The following GSK3B variants were observed in gnomAD, a reference collection of about 807,000 sequenced individuals.
GSK3B encodes the protein glycogen synthase kinase-3 beta.
A neutral mutation model predicts 56.4 loss-of-function variants in GSK3B; 15 were observed. The ratio of observed to expected loss-of-function variants is 0.27; its 90% CI spans 0.18 to 0.41. The LOEUF is 0.41. Ranked by LOEUF, GSK3B falls within the 10% of genes least tolerant of loss-of-function variation. The probability of loss-of-function intolerance (pLI) is 1.00; values close to 1 mark genes in which losing one functional copy is unlikely to be tolerated. For synonymous variants in GSK3B, 181 were observed against 188.9 expected (o/e 0.96, Z 0.34); for missense variants, 300 against 513.4 (o/e 0.58, Z 4.02).
rs573344207 is a variant in GSK3B, at chr3:120,057,268, T to A, written c.88+36079A>T. On this transcript the variant is annotated intron_variant, in intron 1 of 10. Transcript: ENST00000264235. ...TATAATATCTCATTTAATAAGAATT[T>A]AGAAAAACAGGTCGCCAGATAAATT... Among the ~76,000 whole-genome samples, 5 of 152,310 alleles carry A rather than the reference T, an allele frequency of 3.3e-5. No individual in the cohort carries two copies. In the East Asian group the frequency reaches 9.6e-4, roughly 29 times the overall value.
chr3:119,904,482 A>G (rs2056662249), intron 7 of GSK3B, among the ~76,000 whole-genome samples: 1 of 152,202 alleles, frequency 6.6e-6, no homozygotes, highest in Non-Finnish European at 1.5e-5. Flanking sequence ...TATGGATAAT[A>G]AAGAAGATCG....
intron 2 of GSK3B, among the ~76,000 whole-genome samples, chr3:119,953,453 A>G (rs555294247): frequency 6.0e-5 from 9 of 150,442 alleles, no homozygotes; most frequent in Non-Finnish European, 1.2e-4. Flanking sequence ...TTAGATTCAA[A>G]GACACAAACA....
chr3:119,972,868 CA>C (rs1290983968), intron 2 of GSK3B, among the ~76,000 whole-genome samples: 2 of 152,018 alleles, frequency 1.3e-5, no homozygotes, highest in African/African-American at 4.8e-5. Flanking sequence ...AAAACAATAA[CA>C]AAAAACAGTT....
At chr3:120,031,350 C>A (rs1038057008) in intron 1 of GSK3B, among the ~76,000 whole-genome samples, 2 of 152,082 alleles carry the variant, frequency 1.3e-5, no homozygotes, top group African/African-American at 4.8e-5. Context: ...AATTAGCCCG[C>A]CAAAATCCCT....
intron 4 of GSK3B, among the ~76,000 whole-genome samples, chr3:119,921,739 A>T (rs1287622785): frequency 1.3e-5 from 2 of 152,220 alleles, no homozygotes; most frequent in Non-Finnish European, 2.9e-5. Context: ...ATATAAACTT[A>T]AAAAAATTAT....
chr3:120,089,219 GT>G (rs1320015698), intron 1 of GSK3B, among the ~76,000 whole-genome samples: 2 of 152,190 alleles, frequency 1.3e-5, no homozygotes, highest in Non-Finnish European at 2.9e-5. Context: ...TTCCCTTGAA[GT>G]TTTTCCTTTT....
chr3:119,955,149 T>C (rs763829582), intron 2 of GSK3B, among the ~76,000 whole-genome samples: 2 of 151,800 alleles, frequency 1.3e-5, no homozygotes, highest in Non-Finnish European at 2.9e-5. Flanking sequence ...CCATCCTTAG[T>C]CATCATAAGA....
At position 119,869,244 on chromosome 3, in the gene GSK3B, A is replaced by AAAAAC. The variant is rs1559816083; in HGVS notation, c.910-5640_910-5639insGTTTT. ...ATCTCAAAAAAAAAAAAAAAAAAAA[A>AAAAAC]AACATATATTCTTTGGCAGTCTTTC... On this transcript the variant is annotated intron_variant, in intron 8 of 10. Transcript: ENST00000264235. Among the ~76,000 whole-genome samples the AAAAAC allele has an allele frequency of 5.3e-5, 8 of 151,260 alleles. No individual in the cohort carries two copies. The South Asian group carries it at 1.5e-3, about 28-fold the overall frequency.
intron 7 of GSK3B, among the ~76,000 whole-genome samples, chr3:119,880,111 C>A (rs2056363636): frequency 6.6e-6 from 1 of 152,152 alleles, no homozygotes; most frequent in African/African-American, 2.4e-5. Flanking sequence ...TCTGTTTTCT[C>A]CACATCCTTG....
chr3:119,978,317 C>G (rs1170100988), intron 2 of GSK3B, among the ~76,000 whole-genome samples: 1 of 152,170 alleles, frequency 6.6e-6, no homozygotes, highest in Non-Finnish European at 1.5e-5. Flanking sequence ...CCATAAAATT[C>G]TCCACACACA....
chr3:119,890,386 A>G (rs2056488341), intron 7 of GSK3B, among the ~76,000 whole-genome samples: 1 of 152,154 alleles, frequency 6.6e-6, no homozygotes, highest in Admixed American at 6.5e-5. Context: ...CCAGATACAA[A>G]AGAAATATAT....
At chr3:119,882,969 T>C (rs917214068) in intron 7 of GSK3B, among the ~76,000 whole-genome samples, 1 of 152,192 alleles carries the variant, frequency 6.6e-6, no homozygotes, top group Admixed American at 6.5e-5. Context: ...AATAGAATTG[T>C]TGGTGTATTC....
chr3:119,976,619 A>T (rs2057410356), intron 2 of GSK3B, among the ~76,000 whole-genome samples: 2 of 152,146 alleles, frequency 1.3e-5, no homozygotes, highest in Admixed American at 1.3e-4. Context: ...ATATTCTGGA[A>T]TTAGATAGTA....
intron 2 of GSK3B, among the ~76,000 whole-genome samples, chr3:119,963,625 C>CAAAAAAAAAAAAAAAAAAAAAAA (rs774359104): frequency 1.1e-4 from 9 of 79,088 alleles, no homozygotes; most frequent in African/African-American, 1.7e-4. Flanking sequence ...TTCTTCCCCA[C>CAAAAAAAAAAAAAAAAAAAAAAA]AAAAAAAAAA....
intron 3 of GSK3B, among the ~76,000 whole-genome samples, chr3:119,939,086 TG>T (rs906904994): frequency 6.7e-6 from 1 of 149,910 alleles, no homozygotes; most frequent in Non-Finnish European, 1.5e-5. Flanking sequence ...AAAGGGGGGC[TG>T]GGGGGAGAGA....
chr3:119,920,728 G>C (rs2056832030), intron 4 of GSK3B, among the ~76,000 whole-genome samples: 1 of 152,070 alleles, frequency 6.6e-6, no homozygotes, highest in Non-Finnish European at 1.5e-5. Context: ...CTATCATTGA[G>C]AAATGAAATT....
chr3:120,026,776 T>A (rs976802108), intron 1 of GSK3B, among the ~76,000 whole-genome samples: 36 of 151,834 alleles, frequency 2.4e-4, no homozygotes, highest in African/African-American at 8.7e-4. Flanking sequence ...CACACTGGTC[T>A]TGAACTCCTG....
At chr3:119,960,151 CAAAAAAAAAAAAA>C (rs574956694) in intron 2 of GSK3B, among the ~76,000 whole-genome samples, 1 of 74,642 alleles carries the variant, frequency 1.3e-5, no homozygotes. Context: ...TATGCTGAGA[CAAAAAAAAAAAAA>C]AAAAAAAAAA....
chr3:120,043,085 C>T (rs573694173), intron 1 of GSK3B, among the ~76,000 whole-genome samples: 1 of 152,242 alleles, frequency 6.6e-6, no homozygotes, highest in Admixed American at 6.5e-5. Context: ...AGGCGCTAAC[C>T]CTGGAGCTCT....
Sources: allele counts gnomAD v4.1 joint callset (sites outside exome capture counted in the v4.1 genomes callset), GRCh38; gene constraint gnomAD v4.1.1; transcripts MANE v1.5; gene names NCBI Gene and HGNC (gene_info 2026-07-23, HGNC 2026-07-21).